Variants in STAP1 observed in about 807,000 individuals in gnomAD.
STAP1 encodes the protein signal transducing adaptor family member 1, also known as signal-transducing adaptor protein 1.
In STAP1, 30 loss-of-function variants were observed where a neutral mutation model predicts 37.8. The observed-to-expected ratio is 0.79, with a 90% confidence interval of 0.59 to 1.08. STAP1 has a LOEUF of 1.08. Among genes scored for constraint, STAP1 ranks in the 50% least tolerant of loss-of-function variants. STAP1 has a pLI of 0.00. For missense variants in STAP1, 357 were observed against 349.4 expected (o/e 1.02, Z -0.17); for synonymous variants, 130 against 116.0 (o/e 1.12, Z -0.78).
intron 4 of STAP1, among the ~76,000 whole-genome samples, chr4:67,578,408 G>C (rs1257318504): frequency 6.6e-6 from 1 of 152,196 alleles, no homozygotes; most frequent in Non-Finnish European, 1.5e-5. Context: ...GATGGATGCA[G>C]GTTCTTTATT....
intron 8 of STAP1, among the ~76,000 whole-genome samples, chr4:67,596,941 G>A (rs13133408): frequency 6.4e-3 from 976 of 152,320 alleles, no homozygotes; most frequent in Non-Finnish European, 0.011. Flanking sequence ...CCATTTTCTG[G>A]GGACAAATTC....
chr4:67,584,713 A>G (rs931755423), intron 6 of STAP1, among the ~76,000 whole-genome samples: 2 of 152,214 alleles, frequency 1.3e-5, no homozygotes, highest in Non-Finnish European at 2.9e-5. Flanking sequence ...CTTGTTCAAG[A>G]AAAGAAAAAG....
intron 1 of STAP1, among the ~76,000 whole-genome samples, chr4:67,563,939 T>TAAAAAAAAAAAAAAAA (rs35320647): frequency 6.9e-6 from 1 of 145,982 alleles, no homozygotes; most frequent in Non-Finnish European, 1.5e-5. Flanking sequence ...AAACGATTGT[T>TAAAAAAAAAAAAAAAA]AAAAAAAAAA....
At chr4:67,592,630 C>A (rs897579528) in intron 7 of STAP1, among the ~76,000 whole-genome samples, 4 of 152,142 alleles carry the variant, frequency 2.6e-5, no homozygotes, top group Admixed American at 6.5e-5. Context: ...TTCTTCTACT[C>A]AAGTTCAAAT....
rs2242330 is a variant in STAP1 at position 67,581,531 on chromosome 4, A to G, written c.530+60A>G. The G allele has an allele frequency of 0.22, 339,262 of 1,537,914 alleles. 38,752 individuals carry two copies. The highest frequency in any genetic ancestry group is 0.31 in the South Asian group (24,007 of 77,112). On this transcript the variant is annotated intron_variant, in intron 5 of 8. Coordinates refer to ENST00000265404, the MANE Select transcript of STAP1 (RefSeq NM_012108.4). ...ATTGTTAAAACTAATTTCTAATTAT[A>G]AAGGAGAGTTAGTCACTTGCTCTTG...
chr4:67,596,473 C>T (rs983919708), intron 8 of STAP1, among the ~76,000 whole-genome samples: 6 of 152,034 alleles, frequency 3.9e-5, no homozygotes, highest in South Asian at 2.1e-4. Context: ...AACTGGGCAA[C>T]GGGCAGAGGG....
chr4:67,588,330 A>G (rs189113311), intron 6 of STAP1, among the ~76,000 whole-genome samples: 1 of 151,780 alleles, frequency 6.6e-6, no homozygotes, highest in Admixed American at 6.6e-5. Flanking sequence ...TTCCTCCCAC[A>G]GCTTTGCCAT....
chr4:67,582,956 T>C (rs978504458), intron 5 of STAP1, among the ~76,000 whole-genome samples: 7 of 152,232 alleles, frequency 4.6e-5, no homozygotes, highest in Non-Finnish European at 8.8e-5. Flanking sequence ...AAGTTATGCA[T>C]ATTAAATGCA....
intron 5 of STAP1, 90 bp from the exon 6 acceptor site, chr4:67,583,484 G>A (rs1412754169): frequency 7.3e-7 from 1 of 1,366,074 alleles, no homozygotes; most frequent in Non-Finnish European, 9.8e-7. Context: ...AGCAACTGCA[G>A]CTCTCAAAGT....
intron 4 of STAP1, among the ~76,000 whole-genome samples, chr4:67,580,096 G>A (rs958174471): frequency 6.6e-6 from 1 of 152,148 alleles, no homozygotes; most frequent in Non-Finnish European, 1.5e-5. Flanking sequence ...GACCTCAAGT[G>A]ATCCACCCAC....
chr4:67,559,831 T>TTA (rs1727293375), intron 1 of STAP1, among the ~76,000 whole-genome samples: 2 of 152,066 alleles, frequency 1.3e-5, no homozygotes, highest in Non-Finnish European at 2.9e-5. Flanking sequence ...TGTGGAAAAA[T>TTA]TATATATATG....
intron 2 of STAP1, among the ~76,000 whole-genome samples, chr4:67,573,609 A>C (rs945552961): frequency 1.3e-5 from 2 of 152,082 alleles, no homozygotes; most frequent in African/African-American, 4.8e-5. Context: ...ATATTTTTTG[A>C]ATGTATTTAT....
chr4:67,567,194 T>C (rs192304922), intron 1 of STAP1, among the ~76,000 whole-genome samples: 1 of 152,328 alleles, frequency 6.6e-6, no homozygotes, highest in East Asian at 1.9e-4. Flanking sequence ...GGCATCTGGA[T>C]TTCAGACAAG....
chr4:67,560,931 G>T (rs914504798), intron 1 of STAP1, among the ~76,000 whole-genome samples: 1 of 152,206 alleles, frequency 6.6e-6, no homozygotes, highest in Non-Finnish European at 1.5e-5. Flanking sequence ...TTACAGGCAT[G>T]GGCCTCTGAG....
At chr4:67,577,338 G>A in intron 4 of STAP1, 79 bp downstream of exon 4, 1 of 1,279,160 alleles carries the variant, frequency 7.8e-7, no homozygotes, top group Non-Finnish European at 1.1e-6. Context: ...TCCATGCAGA[G>A]TGAAAGTGGC....
chr4:67,577,200 T>C lies in STAP1; in HGVS notation c.307-3T>C. 5 of 1,609,646 alleles carry C rather than the reference T, an allele frequency of 3.1e-6. No individual in the cohort carries two copies. Among genetic ancestry groups the C allele is most frequent in the Non-Finnish European group, 4.2e-6 (5 of 1,178,178 alleles). On this transcript the variant is annotated splice_polypyrimidine_tract_variant and splice_region_variant and intron_variant, in intron 3 of 8. Transcript: ENST00000265404. ...CTTTATCTGTTTTTGTCTTCAACTT[T>C]AGACAGAGAACACAGAAAGTGGGGA... is the stretch of plus-strand genomic sequence containing the variant.
intron 1 of STAP1, among the ~76,000 whole-genome samples, chr4:67,568,544 T>G (rs1165963487): frequency 6.6e-6 from 1 of 152,186 alleles, no homozygotes; most frequent in Non-Finnish European, 1.5e-5. Flanking sequence ...CTTAATTGAA[T>G]GAAATGGGAG....
In STAP1 at chr4:67,581,444, A is replaced by C. The variant is rs762245625; in HGVS notation, c.503A>C (p.Tyr168Ser). The change falls in exon 5 of 9, where the codon TAT becomes TCT. Residue 168 changes from tyrosine (Y) to serine (S), a missense_variant. Coordinates refer to ENST00000265404, the MANE Select transcript of STAP1 (RefSeq NM_012108.4). Reference protein sequence around the residue: ...VEKEKEPTEDYVDVLNPMPAC... With the variant: ...VEKEKEPTEDSVDVLNPMPAC... ...AAAGAGAAGGAACCAACTGAAGATT[A>C]TGTGGATGTACTGAACCCTATGCCA... 6.2e-7 allele frequency: 1 copy of C among 1,613,804 alleles called. No individual in the cohort carries two copies. Among genetic ancestry groups the C allele is most frequent in the Non-Finnish European group, 8.5e-7 (1 of 1,179,848 alleles).
At chr4:67,592,261 G>A (rs1029138046) in intron 7 of STAP1, among the ~76,000 whole-genome samples, 25 of 151,852 alleles carry the variant, frequency 1.6e-4, no homozygotes, top group African/African-American at 1.2e-4. Context: ...CCCGAGTAGC[G>A]GGAACCACAG....
Sources: gnomAD v4.1 joint callset for allele counts (sites outside exome capture counted in the v4.1 genomes callset) on GRCh38, gnomAD v4.1.1 for gene constraint, MANE v1.5 for transcripts, NCBI Gene and HGNC (gene_info 2026-07-23, HGNC 2026-07-21) for gene names.